SIPA1L1: variants seen among roughly 807,000 people sequenced by gnomAD.
SIPA1L1 encodes signal induced proliferation associated 1 like 1, also known as signal-induced proliferation-associated 1-like protein 1.
Under a neutral mutation model 162.7 loss-of-function variants are expected in SIPA1L1, and 26 were observed. That is an observed-to-expected ratio of 0.16 (90% CI 0.12 to 0.22). The LOEUF is 0.22. Ranked by LOEUF, SIPA1L1 falls within the 10% of genes least tolerant of loss-of-function variation. The pLI, the probability that SIPA1L1 is intolerant of heterozygous loss-of-function variation, is 1.00. For synonymous variants in SIPA1L1, 829 were observed against 837.4 expected (o/e 0.99, Z 0.17); for missense variants, 1,874 against 2,241.0 (o/e 0.84, Z 3.31).
At chr14:71,430,419 C>G (rs1324394694) in intron 2 of SIPA1L1, among the ~76,000 whole-genome samples, 1 of 152,174 alleles carries the variant, frequency 6.6e-6, no homozygotes, top group Non-Finnish European at 1.5e-5. Context: ...ACAATAGTTA[C>G]GTCTGTTCCA....
At chr14:71,635,138 G>T (rs1271411846) in intron 7 of SIPA1L1, among the ~76,000 whole-genome samples, 3 of 152,006 alleles carry the variant, frequency 2.0e-5, no homozygotes, top group Non-Finnish European at 2.9e-5. Context: ...AATTAGCCAG[G>T]TGTGATGGTG....
At chr14:71,399,973 G>A (rs886457318) in intron 2 of SIPA1L1, among the ~76,000 whole-genome samples, 2 of 151,700 alleles carry the variant, frequency 1.3e-5, no homozygotes, top group African/African-American at 4.8e-5. Flanking sequence ...CACCCGCCTC[G>A]GCCTCACAAA....
chr14:71,543,232 T>G (rs1426695950), intron 4 of SIPA1L1, among the ~76,000 whole-genome samples: 3 of 152,246 alleles, frequency 2.0e-5, no homozygotes, highest in African/African-American at 4.8e-5. Flanking sequence ...TTCTTAATTC[T>G]TAAAAGTTCT....
intron 4 of SIPA1L1, among the ~76,000 whole-genome samples, chr14:71,547,720 C>G (rs191814866): frequency 6.6e-6 from 1 of 152,310 alleles, no homozygotes; most frequent in African/African-American, 2.4e-5. Context: ...GGATGACTCT[C>G]TAACTTGCTA....
At chr14:71,387,172 T>A in intron 2 of SIPA1L1, among the ~76,000 whole-genome samples, 1 of 130,018 alleles carries the variant, frequency 7.7e-6, no homozygotes, top group African/African-American at 2.9e-5. Context: ...TGCGTGAATC[T>A]GGGAGGTGGA....
chr14:71,455,105 A>T (rs1322152298), intron 2 of SIPA1L1, among the ~76,000 whole-genome samples: 2 of 152,236 alleles, frequency 1.3e-5, no homozygotes, highest in Non-Finnish European at 2.9e-5. Flanking sequence ...TACTAAGTTC[A>T]TATTTTTATC....
chr14:71,452,606 C>G (rs1230672952), intron 2 of SIPA1L1, among the ~76,000 whole-genome samples: 1 of 152,192 alleles, frequency 6.6e-6, no homozygotes, highest in Non-Finnish European at 1.5e-5. Flanking sequence ...GTAGACACTG[C>G]AAAGCAAAGC....
At chr14:71,497,520 C>T (rs1380630940) in intron 2 of SIPA1L1, among the ~76,000 whole-genome samples, 1 of 152,218 alleles carries the variant, frequency 6.6e-6, no homozygotes, top group African/African-American at 2.4e-5. Context: ...CTGGCAACCA[C>T]TGATCTGCCA....
intron 2 of SIPA1L1, among the ~76,000 whole-genome samples, chr14:71,340,685 C>T (rs2035555722): frequency 6.6e-6 from 1 of 152,058 alleles, no homozygotes; most frequent in South Asian, 2.1e-4. Context: ...CTCATTTCTT[C>T]CTATTGTAGG....
At chr14:71,341,216 T>C (rs888335474) in intron 2 of SIPA1L1, among the ~76,000 whole-genome samples, 1 of 152,252 alleles carries the variant, frequency 6.6e-6, no homozygotes, top group Non-Finnish European at 1.5e-5. Context: ...GTGAAATAAA[T>C]GTAAATCTTC....
chr14:71,564,811 T>C (rs1353909917), intron 4 of SIPA1L1, among the ~76,000 whole-genome samples: 1 of 152,186 alleles, frequency 6.6e-6, no homozygotes, highest in Non-Finnish European at 1.5e-5. Context: ...TTCTTTCTTC[T>C]TTCTTTAGCT....
chr14:71,437,250 A>G (rs2044462625), intron 2 of SIPA1L1, among the ~76,000 whole-genome samples: 1 of 152,250 alleles, frequency 6.6e-6, no homozygotes, highest in East Asian at 1.9e-4. Flanking sequence ...GGGGCGGCTC[A>G]TGCCTGTAAT....
intron 2 of SIPA1L1, among the ~76,000 whole-genome samples, chr14:71,352,165 A>T (rs1249869215): frequency 6.6e-6 from 1 of 152,096 alleles, no homozygotes; most frequent in Non-Finnish European, 1.5e-5. Flanking sequence ...GAAAGCACAA[A>T]TGTACCATGG....
At chr14:71,410,379 A>T (rs1425397246) in intron 2 of SIPA1L1, among the ~76,000 whole-genome samples, 2 of 152,180 alleles carry the variant, frequency 1.3e-5, no homozygotes, top group African/African-American at 4.8e-5. Flanking sequence ...CATTTGGTAG[A>T]GTGGTGGATG....
rs1447819014 is a variant in SIPA1L1, at chr14:71,663,503, T to A, written c.2255+2036T>A. Among the ~76,000 whole-genome samples, 4 of 152,320 alleles carry A rather than the reference T, an allele frequency of 2.6e-5. No individual in the cohort carries two copies. In the East Asian group the frequency reaches 7.7e-4, roughly 29 times the overall value. On this transcript the variant is annotated intron_variant, in intron 10 of 23. Transcript: ENST00000381232. ...TTTTAAATCATATATTAATTAAAAT[T>A]TAATATAATTTGATATTCCTTGGTC...
At chr14:71,488,730 G>C (rs2048980014) in intron 2 of SIPA1L1, among the ~76,000 whole-genome samples, 1 of 152,172 alleles carries the variant, frequency 6.6e-6, no homozygotes. Context: ...CTTGTACTTT[G>C]TGAAGAGAAG....
At chr14:71,533,398 C>T (rs1011773812) in intron 4 of SIPA1L1, among the ~76,000 whole-genome samples, 20 of 152,136 alleles carry the variant, frequency 1.3e-4, no homozygotes, top group African/African-American at 4.3e-4. Flanking sequence ...TCTTTCCCAG[C>T]GCTGTGTCTG....
chr14:71,422,199 G>GA (rs2043235992), intron 2 of SIPA1L1, among the ~76,000 whole-genome samples: 1 of 152,154 alleles, frequency 6.6e-6, no homozygotes, highest in Non-Finnish European at 1.5e-5. Flanking sequence ...TAAGTAGACA[G>GA]AGTCAGCTTC....
intron 4 of SIPA1L1, among the ~76,000 whole-genome samples, chr14:71,533,348 A>AT (rs984741318): frequency 1.3e-5 from 2 of 151,792 alleles, no homozygotes; most frequent in African/African-American, 4.8e-5. Flanking sequence ...ACCCTTTTTC[A>AT]TTTTTTTCTG....
Sources: gnomAD v4.1 joint callset for allele counts (sites outside exome capture counted in the v4.1 genomes callset) on GRCh38, gnomAD v4.1.1 for gene constraint, MANE v1.5 for transcripts, NCBI Gene and HGNC (gene_info 2026-07-23, HGNC 2026-07-21) for gene names.